CCSER1: variants seen among roughly 807,000 people sequenced by gnomAD.
CCSER1 encodes serine-rich coiled-coil domain-containing protein 1.
A neutral mutation model predicts 82.0 loss-of-function variants in CCSER1; 41 were observed. The ratio of observed to expected loss-of-function variants is 0.50; its 90% CI spans 0.39 to 0.65. The LOEUF is 0.65. Ranked by LOEUF, CCSER1 falls within the 30% of genes least tolerant of loss-of-function variation. The probability of loss-of-function intolerance (pLI) is 0.00; values close to 1 mark genes in which losing one functional copy is unlikely to be tolerated. For missense variants in CCSER1, 1,119 were observed against 1,064.2 expected, an observed-to-expected ratio of 1.05 and a Z score of -0.72; for synonymous variants, 414 against 383.9, an observed-to-expected ratio of 1.08 and a Z score of -0.92.
At chr4:90,594,415 TTAAC>T (rs1374012304) in intron 5 of CCSER1, among the ~76,000 whole-genome samples, 5 of 152,030 alleles carry the variant, frequency 3.3e-5, no homozygotes, top group Non-Finnish European at 5.9e-5. Flanking sequence ...AGGGAAGAAT[TTAAC>T]TAGCCCTGTG....
chr4:91,571,930 G>C (rs983583728), intron 10 of CCSER1, among the ~76,000 whole-genome samples: 29 of 152,212 alleles, frequency 1.9e-4, no homozygotes, highest in African/African-American at 7.0e-4. Context: ...GCAACTTGTT[G>C]GAGGTATAGA....
At chr4:90,964,312 T>C (rs555047021) in intron 9 of CCSER1, among the ~76,000 whole-genome samples, 1 of 152,310 alleles carries the variant, frequency 6.6e-6, no homozygotes, top group South Asian at 2.1e-4. Flanking sequence ...CAGATATGTA[T>C]TTTTAACATG....
intron 1 of CCSER1, among the ~76,000 whole-genome samples, chr4:90,277,962 A>G (rs1038864901): frequency 4.6e-5 from 7 of 152,290 alleles, no homozygotes; most frequent in Non-Finnish European, 8.8e-5. Flanking sequence ...TCCAGATTCT[A>G]TAAGGAACTT....
chr4:90,189,790 T>C (rs1197249838), intron 1 of CCSER1, among the ~76,000 whole-genome samples: 1 of 152,016 alleles, frequency 6.6e-6, no homozygotes, highest in Admixed American at 6.6e-5. Context: ...TTATCCCTGA[T>C]ATTTTCTTAA....
At chr4:90,991,822 C>G (rs571427340) in intron 9 of CCSER1, among the ~76,000 whole-genome samples, 1 of 151,902 alleles carries the variant, frequency 6.6e-6, no homozygotes, top group East Asian at 1.9e-4. Flanking sequence ...CTTTTTTCAG[C>G]GAAGATTCTG....
chr4:91,039,072 A>C (rs931740366), intron 9 of CCSER1, among the ~76,000 whole-genome samples: 3 of 152,180 alleles, frequency 2.0e-5, no homozygotes, highest in African/African-American at 7.2e-5. Flanking sequence ...CTCTGCACCC[A>C]GGCTGGAGTG....
chr4:91,074,518 T>A (rs980344987), intron 9 of CCSER1, among the ~76,000 whole-genome samples: 1 of 152,188 alleles, frequency 6.6e-6, no homozygotes, highest in Non-Finnish European at 1.5e-5. Context: ...CATGAAATGG[T>A]TAAGGAATGC....
chr4:91,132,892 C>T (rs982839775), intron 10 of CCSER1, among the ~76,000 whole-genome samples: 4 of 152,096 alleles, frequency 2.6e-5, no homozygotes, highest in Admixed American at 6.6e-5. Flanking sequence ...ATTTTCATAA[C>T]GTCAACAAGC....
At chr4:91,584,287 G>GA (rs1763881010) in intron 10 of CCSER1, among the ~76,000 whole-genome samples, 1 of 151,322 alleles carries the variant, frequency 6.6e-6, no homozygotes, top group Non-Finnish European at 1.5e-5. Flanking sequence ...AATTTCAAGA[G>GA]AAAATATTTG....
At chr4:90,518,641 T>C (rs1344644522) in intron 5 of CCSER1, among the ~76,000 whole-genome samples, 33 of 151,954 alleles carry the variant, frequency 2.2e-4, no homozygotes, top group Admixed American at 2.2e-3. Context: ...TATTAATGAA[T>C]CTGTGGCTTT....
chr4:91,299,163 T>C (rs1028876731), intron 10 of CCSER1, among the ~76,000 whole-genome samples: 3 of 151,984 alleles, frequency 2.0e-5, no homozygotes, highest in African/African-American at 4.8e-5. Flanking sequence ...TTAAATATTA[T>C]GGTAAAATTT....
At position 91,082,396 on chromosome 4, in the gene CCSER1, T is replaced by C. The variant is rs535677691; in HGVS notation, c.2173-3554T>C. 6.6e-5 allele frequency among the ~76,000 whole-genome samples: 10 copies of C among 152,300 alleles called. No individual in the cohort carries two copies. In the South Asian group the frequency reaches 1.7e-3, roughly 25 times the overall value. On this transcript the variant is annotated intron_variant, in intron 9 of 10. Transcript: ENST00000509176. ...AACTGGATCCCTTCCTTACACCTTA[T>C]ACAAAAATTAATTCAAGATGGATTA... is the stretch of plus-strand genomic sequence containing the variant.
chr4:91,211,757 G>T (rs1252845379), intron 10 of CCSER1, among the ~76,000 whole-genome samples: 2 of 151,974 alleles, frequency 1.3e-5, no homozygotes, highest in Non-Finnish European at 2.9e-5. Flanking sequence ...AATTGTGAAA[G>T]GATTAATTTA....
intron 4 of CCSER1, among the ~76,000 whole-genome samples, chr4:90,429,605 T>C (rs1360866977): frequency 6.6e-6 from 1 of 151,856 alleles, no homozygotes; most frequent in Non-Finnish European, 1.5e-5. Context: ...AAACTGTAAA[T>C]TGTTACAAAC....
At chr4:91,546,569 G>A (rs1426657369) in intron 10 of CCSER1, among the ~76,000 whole-genome samples, 3 of 151,966 alleles carry the variant, frequency 2.0e-5, no homozygotes, top group African/African-American at 7.2e-5. Context: ...TAATGTTTAT[G>A]TGTTCTGTAA....
At chr4:91,342,071 T>A (rs1320787324) in intron 10 of CCSER1, among the ~76,000 whole-genome samples, 1 of 152,154 alleles carries the variant, frequency 6.6e-6, no homozygotes, top group Non-Finnish European at 1.5e-5. Flanking sequence ...CCTGTTTTGC[T>A]GCATAAAAGT....
At chr4:90,431,283 T>A (rs1758241560) in intron 4 of CCSER1, among the ~76,000 whole-genome samples, 1 of 152,040 alleles carries the variant, frequency 6.6e-6, no homozygotes, top group South Asian at 2.1e-4. Context: ...GTTAGTGAAG[T>A]TAAAGTTATA....
At chr4:90,806,113 TAATATTTATGTG>T (rs1349623142) in intron 7 of CCSER1, among the ~76,000 whole-genome samples, 1 of 152,222 alleles carries the variant, frequency 6.6e-6, no homozygotes, top group Non-Finnish European at 1.5e-5. Context: ...TGCACCAAGC[TAATATTTATGTG>T]AATGTTGCCA....
chr4:91,120,450 T>A (rs949785706), intron 10 of CCSER1, among the ~76,000 whole-genome samples: 1 of 152,002 alleles, frequency 6.6e-6, no homozygotes, highest in Non-Finnish European at 1.5e-5. Context: ...TCAGTATTAC[T>A]TGAAAGAAAA....
Sources: allele counts gnomAD v4.1 joint callset (sites outside exome capture counted in the v4.1 genomes callset), GRCh38; gene constraint gnomAD v4.1.1; transcripts MANE v1.5; gene names NCBI Gene and HGNC (gene_info 2026-07-23, HGNC 2026-07-21).